The following CASD1 variants were observed in gnomAD, a reference collection of about 807,000 sequenced individuals.
CASD1 encodes the protein N-acetylneuraminate (7)9-O-acetyltransferase.
Under a neutral mutation model 100.0 loss-of-function variants are expected in CASD1, and 41 were observed. The ratio of observed to expected loss-of-function variants is 0.41; its 90% confidence interval spans 0.32 to 0.53. The LOEUF (loss-of-function observed/expected upper bound fraction) is 0.53, where lower values mean the gene tolerates loss of function less well. Ranked by LOEUF, CASD1 falls within the 20% of genes least tolerant of loss-of-function variation. The pLI is 0.25. For missense variants in CASD1, 774 were observed against 948.7 expected (o/e 0.82, Z 2.42); for synonymous variants, 321 against 315.6 (o/e 1.02, Z -0.18).
At chr7:94,588,709 A>C in the CASD1 span, 1 of 1,609,570 alleles carries the variant, frequency 6.2e-7, no homozygotes, top group African/African-American at 1.3e-5. Flanking sequence ...CTGTTGGGGA[A>C]TCTGAGTCTG....
the CASD1 span, chr7:94,628,196 A>G: frequency 6.2e-7 from 1 of 1,608,192 alleles, no homozygotes; most frequent in Non-Finnish European, 8.5e-7. Context: ...TCTAGGTGTA[A>G]ATTACCTCAA....
the CASD1 span, among the ~76,000 whole-genome samples, chr7:94,574,870 T>C: frequency 6.6e-6 from 1 of 152,074 alleles, no homozygotes; most frequent in African/African-American, 2.4e-5. Context: ...CTTGGGAGGC[T>C]GAGGCAGGAG....
At chr7:94,597,315 T>A in the CASD1 span, 1 of 152,194 alleles carries the variant, frequency 6.6e-6, no homozygotes, top group Non-Finnish European at 1.5e-5. Flanking sequence ...TAAGTGATGT[T>A]AGAGAACTTT....
the CASD1 span, among the ~76,000 whole-genome samples, chr7:94,604,258 A>G: frequency 3.3e-5 from 5 of 152,094 alleles, no homozygotes; most frequent in Non-Finnish European, 7.4e-5. Flanking sequence ...AAAATACTAC[A>G]AGTAAATACT....
At chr7:94,561,592 A>G (rs966885602), downstream of CASD1, among the ~76,000 whole-genome samples, 2 of 152,134 alleles carry the variant, frequency 1.3e-5, no homozygotes, top group East Asian at 3.9e-4. Context: ...GTGTGAGAGC[A>G]CAGATTCAAT....
At chr7:94,565,385 C>T in the CASD1 span, among the ~76,000 whole-genome samples, 1 of 152,090 alleles carries the variant, frequency 6.6e-6, no homozygotes. Context: ...CCTGAACTTA[C>T]CACCCACTGA....
chr7:94,531,976 AATCT>A (rs1368641044), intron 5 of CASD1, among the ~76,000 whole-genome samples: 1 of 152,176 alleles, frequency 6.6e-6, no homozygotes, highest in East Asian at 1.9e-4. Context: ...GGCAGGCAGG[AATCT>A]ATATTACAAT....
intron 4 of CASD1, among the ~76,000 whole-genome samples, chr7:94,527,850 G>T (rs1158885271): frequency 6.6e-6 from 1 of 152,198 alleles, no homozygotes; most frequent in Non-Finnish European, 1.5e-5. Context: ...GACAGGTGGA[G>T]ATTCTGCACC....
chr7:94,578,058 C>A, the CASD1 span, among the ~76,000 whole-genome samples: 1 of 152,104 alleles, frequency 6.6e-6, no homozygotes, highest in Non-Finnish European at 1.5e-5. Flanking sequence ...GCCGTTCTTA[C>A]CAAGATTCTA....
the CASD1 span, among the ~76,000 whole-genome samples, chr7:94,611,639 T>C: frequency 6.6e-6 from 1 of 152,232 alleles, no homozygotes; most frequent in Admixed American, 6.5e-5. Context: ...GATAGGTGCA[T>C]TGTATGATAT....
intron 3 of CASD1, among the ~76,000 whole-genome samples, chr7:94,524,704 A>G (rs1456261553): frequency 1.3e-5 from 2 of 152,180 alleles, no homozygotes; most frequent in African/African-American, 4.8e-5. Context: ...TTTATAATCT[A>G]GATAGTAACG....
At chr7:94,565,093 A>G in the CASD1 span, among the ~76,000 whole-genome samples, 1 of 151,950 alleles carries the variant, frequency 6.6e-6, no homozygotes, top group Non-Finnish European at 1.5e-5. Context: ...TAGAGACACC[A>G]TATTCTATTA....
the CASD1 span, among the ~76,000 whole-genome samples, chr7:94,564,881 T>G: frequency 6.6e-6 from 1 of 152,168 alleles, no homozygotes; most frequent in African/African-American, 2.4e-5. Context: ...GTCATTGCAT[T>G]GCAGGGTTCT....
At chr7:94,562,898 T>C in the CASD1 span, among the ~76,000 whole-genome samples, 42 of 150,842 alleles carry the variant, frequency 2.8e-4, no homozygotes, top group African/African-American at 8.8e-4. Flanking sequence ...GCTGACCCCC[T>C]TTTTTTTTAT....
At chr7:94,615,381 GAT>G in the CASD1 span, among the ~76,000 whole-genome samples, 1 of 135,808 alleles carries the variant, frequency 7.4e-6, no homozygotes, top group Non-Finnish European at 1.6e-5. Context: ...TAGATAGATA[GAT>G]AGATAGATAG....
chr7:94,633,412 G>A, the CASD1 span, among the ~76,000 whole-genome samples: 1 of 152,176 alleles, frequency 6.6e-6, no homozygotes, highest in South Asian at 2.1e-4. Flanking sequence ...GAGAGCCAAA[G>A]GGTTATGTAA....
chr7:94,554,445 A>G, intron 16 of CASD1, 38 bp from the exon 17 acceptor site: 3 of 1,303,002 alleles, frequency 2.3e-6, no homozygotes, highest in African/African-American at 1.5e-5. Flanking sequence ...TTTTCAATAA[A>G]GAGATTATTA....
At chr7:94,602,255 T>C in the CASD1 span, among the ~76,000 whole-genome samples, 1 of 152,082 alleles carries the variant, frequency 6.6e-6, no homozygotes, top group Non-Finnish European at 1.5e-5. Flanking sequence ...TTGAGCAAAT[T>C]TGCCTATAAT....
At chr7:94,610,512 T>C in the CASD1 span, among the ~76,000 whole-genome samples, 1 of 152,088 alleles carries the variant, frequency 6.6e-6, no homozygotes, top group Non-Finnish European at 1.5e-5. Flanking sequence ...AAAAATAGTA[T>C]ACGCACAAAA....
Sources: allele counts gnomAD v4.1 joint callset (sites outside exome capture counted in the v4.1 genomes callset), GRCh38; gene constraint gnomAD v4.1.1; transcripts MANE v1.5; gene names NCBI Gene and HGNC (gene_info 2026-07-23, HGNC 2026-07-21).